Variants in ANO3 observed in about 807,000 individuals in gnomAD.
The protein encoded by ANO3 is anoctamin-3.
A neutral mutation model predicts 144.8 loss-of-function variants in ANO3; 99 were observed. The ratio of observed to expected loss-of-function variants is 0.68; its 90% CI spans 0.58 to 0.81. The LOEUF (loss-of-function observed/expected upper bound fraction) is 0.81. Among genes scored for constraint, ANO3 ranks in the 30% least tolerant of loss-of-function variants. The probability of loss-of-function intolerance (pLI) is 0.00; values close to 1 mark genes in which losing one functional copy is unlikely to be tolerated. For missense variants in ANO3, 905 were observed against 1,202.2 expected (o/e 0.75, Z 3.66); for synonymous variants, 414 against 392.6 (o/e 1.05, Z -0.64).
At chr11:26,482,892 C>T (rs1215639901) in intron 4 of ANO3, among the ~76,000 whole-genome samples, 2 of 152,166 alleles carry the variant, frequency 1.3e-5, no homozygotes, top group African/African-American at 2.4e-5. Context: ...GAATGGCCTC[C>T]AGTTCCATCC....
intron 1 of ANO3, among the ~76,000 whole-genome samples, chr11:26,246,379 G>A (rs1233077889): frequency 6.6e-6 from 1 of 151,058 alleles, no homozygotes; most frequent in Non-Finnish European, 1.5e-5. Context: ...TTAATGCACA[G>A]CCTTATTAAT....
At chr11:26,512,037 T>G (rs907749170) in intron 5 of ANO3, among the ~76,000 whole-genome samples, 2 of 152,232 alleles carry the variant, frequency 1.3e-5, no homozygotes, top group Non-Finnish European at 2.9e-5. Context: ...GTTAGTATCA[T>G]GATCACATTC....
rs566998119 is a variant in ANO3, at chr11:26,420,098, G to A, written c.47-21820G>A. 5.9e-5 allele frequency among the ~76,000 whole-genome samples: 9 copies of A among 151,918 alleles called. No individual in the cohort carries two copies. The South Asian group carries it at 1.5e-3, about 25-fold the overall frequency. ...TCATGTACCTTGATATATTGTAATC[G>A]AATTAGATACATTTTGATTTTGCTA... On this transcript the variant is annotated intron_variant, in intron 1 of 26. Transcript: ENST00000256737.
chr11:26,564,145 AGAGT>A (rs1473870571), intron 14 of ANO3, among the ~76,000 whole-genome samples: 1 of 151,816 alleles, frequency 6.6e-6, no homozygotes, highest in Admixed American at 6.6e-5. Flanking sequence ...AGCAATGGTA[AGAGT>A]AAGTACTCAG....
intron 19 of ANO3, 51 bp downstream of exon 19, chr11:26,634,366 T>A: frequency 8.4e-7 from 1 of 1,190,066 alleles, no homozygotes; most frequent in Non-Finnish European, 1.2e-6. Flanking sequence ...ACACAGTCAA[T>A]AGTTTAATTG....
chr11:26,252,666 A>G (rs1186208533), intron 1 of ANO3, among the ~76,000 whole-genome samples: 2 of 152,168 alleles, frequency 1.3e-5, no homozygotes, highest in Non-Finnish European at 2.9e-5. Flanking sequence ...CTCTCCCCCA[A>G]CATAAACTCC....
At chr11:26,384,418 G>A (rs536330218) in intron 1 of ANO3, among the ~76,000 whole-genome samples, 1 of 152,066 alleles carries the variant, frequency 6.6e-6, no homozygotes, top group South Asian at 2.1e-4. Context: ...ATACCTATTA[G>A]CTCCGAGATG....
At chr11:26,375,810 TA>T (rs1813089663) in intron 1 of ANO3, among the ~76,000 whole-genome samples, 1 of 152,090 alleles carries the variant, frequency 6.6e-6, no homozygotes. Flanking sequence ...CTAGAGAAGA[TA>T]ATATCATTCC....
chr11:26,364,446 G>T (rs190399188), intron 1 of ANO3, among the ~76,000 whole-genome samples: 140 of 152,328 alleles, frequency 9.2e-4, no homozygotes, highest in African/African-American at 3.3e-3. Flanking sequence ...TTGCTGTAAA[G>T]AAATACTTGA....
At chr11:26,535,012 T>C (rs902967304) in intron 9 of ANO3, among the ~76,000 whole-genome samples, 6 of 152,124 alleles carry the variant, frequency 3.9e-5, no homozygotes, top group African/African-American at 1.4e-4. Flanking sequence ...TATTTTAACA[T>C]AAAAATTTCA....
intron 1 of ANO3, among the ~76,000 whole-genome samples, chr11:26,227,151 A>C (rs1852273391): frequency 6.6e-6 from 1 of 152,102 alleles, no homozygotes; most frequent in Non-Finnish European, 1.5e-5. Flanking sequence ...ACCAGATAGT[A>C]CTCCAATGTA....
At chr11:26,262,692 A>G (rs1030851272) in intron 1 of ANO3, among the ~76,000 whole-genome samples, 1 of 150,628 alleles carries the variant, frequency 6.6e-6, no homozygotes, top group African/African-American at 2.4e-5. Context: ...TAGAGCCCTC[A>G]TTAATAGGAT....
intron 1 of ANO3, among the ~76,000 whole-genome samples, chr11:26,319,107 G>A (rs1356700094): frequency 6.6e-6 from 1 of 151,480 alleles, no homozygotes; most frequent in African/African-American, 2.4e-5. Flanking sequence ...CTCCAACGTA[G>A]CTGGAACTAC....
intron 1 of ANO3, among the ~76,000 whole-genome samples, chr11:26,241,364 T>C (rs544821265): frequency 6.6e-6 from 1 of 152,294 alleles, no homozygotes; most frequent in Non-Finnish European, 1.5e-5. Flanking sequence ...GAAAAGTAGT[T>C]CAAGAGGAAT....
At chr11:26,319,941 C>A (rs1203775903) in intron 1 of ANO3, among the ~76,000 whole-genome samples, 1 of 151,942 alleles carries the variant, frequency 6.6e-6, no homozygotes, top group Non-Finnish European at 1.5e-5. Context: ...TAAGAACTTA[C>A]CCAGTTGTAA....
At chr11:26,479,556 C>T (rs1457759202) in intron 4 of ANO3, among the ~76,000 whole-genome samples, 1 of 152,018 alleles carries the variant, frequency 6.6e-6, no homozygotes. Flanking sequence ...ATAAAACCAT[C>T]GGATCTCGTG....
At chr11:26,453,519 A>G (rs1189110094) in intron 3 of ANO3, among the ~76,000 whole-genome samples, 2 of 152,174 alleles carry the variant, frequency 1.3e-5, no homozygotes, top group East Asian at 3.8e-4. Flanking sequence ...CAATTCAACA[A>G]GAAGAGCTAA....
At chr11:26,393,308 T>C (rs1267606760) in intron 1 of ANO3, among the ~76,000 whole-genome samples, 1 of 152,134 alleles carries the variant, frequency 6.6e-6, no homozygotes, top group Non-Finnish European at 1.5e-5. Flanking sequence ...CATTCCTATG[T>C]ACCTTGTAAT....
At chr11:26,392,611 G>A (rs1382464466) in intron 1 of ANO3, among the ~76,000 whole-genome samples, 1 of 151,856 alleles carries the variant, frequency 6.6e-6, no homozygotes, top group Non-Finnish European at 1.5e-5. Flanking sequence ...TTAGGAGGCT[G>A]GTACAGTAAG....
Sources: gnomAD v4.1 joint callset for allele counts (sites outside exome capture counted in the v4.1 genomes callset) on GRCh38, gnomAD v4.1.1 for gene constraint, MANE v1.5 for transcripts, NCBI Gene and HGNC (gene_info 2026-07-23, HGNC 2026-07-21) for gene names.